Variants in CHSY3 observed in about 807,000 individuals in gnomAD.
CHSY3 encodes the protein N-acetylgalactosaminyl-proteoglycan 3-beta-glucuronosyltransferase 3.
Under a neutral mutation model 67.2 loss-of-function variants are expected in CHSY3, and 35 were observed. The observed-to-expected ratio is 0.52, with a 90% CI of 0.40 to 0.69. The LOEUF (loss-of-function observed/expected upper bound fraction) is 0.69. Ranked by LOEUF, CHSY3 falls within the 30% of genes least tolerant of loss-of-function variation. The pLI, the probability that CHSY3 is intolerant of heterozygous loss-of-function variation, is 0.00. For missense variants in CHSY3, 1,069 were observed against 1,138.5 expected, an observed-to-expected ratio of 0.94 and a Z score of 0.88; for synonymous variants, 474 against 434.7, an observed-to-expected ratio of 1.09 and a Z score of -1.12.
intron 2 of CHSY3, chr5:130,141,368 AC>A: frequency 2.6e-6 from 1 of 383,380 alleles, no homozygotes; most frequent in Non-Finnish European, 5.2e-6. Context: ...GAGTGCCATG[AC>A]CAAGGACAAC....
chr5:130,002,518 G>A (rs976408235), intron 2 of CHSY3, among the ~76,000 whole-genome samples: 3 of 152,092 alleles, frequency 2.0e-5, no homozygotes, highest in African/African-American at 7.2e-5. Flanking sequence ...ATACAAGGCA[G>A]CCCCCATCCT....
intron 2 of CHSY3, among the ~76,000 whole-genome samples, chr5:130,161,993 T>G (rs1293826748): frequency 1.4e-5 from 2 of 145,710 alleles, no homozygotes; most frequent in African/African-American, 5.1e-5. Context: ...TGAGCCAAGA[T>G]TGTGCCATTT....
At chr5:130,009,340 A>G (rs1406032365) in intron 2 of CHSY3, among the ~76,000 whole-genome samples, 3 of 152,138 alleles carry the variant, frequency 2.0e-5, no homozygotes, top group African/African-American at 7.2e-5. Context: ...AAAAATTCCA[A>G]CCAAGAATTT....
At chr5:129,992,193 A>G (rs183279455) in intron 2 of CHSY3, among the ~76,000 whole-genome samples, 34 of 152,284 alleles carry the variant, frequency 2.2e-4, no homozygotes, top group Admixed American at 1.4e-3. Flanking sequence ...ACCATGCTAT[A>G]CACTTTTGCT....
intron 2 of CHSY3, among the ~76,000 whole-genome samples, chr5:129,939,136 G>C (rs1761614504): frequency 6.6e-6 from 1 of 152,148 alleles, no homozygotes; most frequent in Admixed American, 6.6e-5. Context: ...ACCTTCTCAT[G>C]CTGTCAGGAA....
chr5:129,952,808 A>G (rs1469976857), intron 2 of CHSY3, among the ~76,000 whole-genome samples: 1 of 152,172 alleles, frequency 6.6e-6, no homozygotes, highest in Non-Finnish European at 1.5e-5. Context: ...TTTAATGTCT[A>G]CTATATGCCA....
intron 2 of CHSY3, among the ~76,000 whole-genome samples, chr5:129,959,728 G>A (rs1331826766): frequency 6.6e-6 from 1 of 152,106 alleles, no homozygotes; most frequent in Non-Finnish European, 1.5e-5. Flanking sequence ...GCATAGGAAA[G>A]ATGCTGAGAG....
At position 129,904,719 on chromosome 5, in the gene CHSY3, G is replaced by T. The variant is rs907921026; in HGVS notation, c.-111G>T. On this transcript the variant is annotated 5_prime_UTR_variant, in exon 1 of 3. Transcript: ENST00000305031. ...GCCGGTGTCGGCGCCTAGGCGGCCG[G>T]CTGCGGCCGCGGCTGGGGGCGCAAA... is the stretch of plus-strand genomic sequence containing the variant. 42 of 1,224,366 alleles carry T rather than the reference G, an allele frequency of 3.4e-5. No individual in the cohort carries two copies. The highest frequency in any genetic ancestry group is 4.0e-5 in the South Asian group (1 of 24,820). 75.8% of individuals were successfully genotyped at this position (1,224,366 alleles called of 1,614,324 possible).
chr5:130,156,005 A>G (rs1474799014), intron 2 of CHSY3, among the ~76,000 whole-genome samples: 1 of 152,222 alleles, frequency 6.6e-6, no homozygotes, highest in Admixed American at 6.5e-5. Flanking sequence ...ATCCAAATCA[A>G]TAGATCTTAT....
At position 130,185,371 on chromosome 5, in the gene CHSY3, T is replaced by C. The variant is rs1468486543; in HGVS notation, c.2229T>C (p.Tyr743=). The C allele has an allele frequency of 6.2e-7, 1 of 1,606,902 alleles. No individual in the cohort carries two copies. Among genetic ancestry groups the C allele is most frequent in the African/African-American group, 1.3e-5 (1 of 74,948 alleles). The change falls in exon 3 of 3, where the codon TAT becomes TAC. Residue 743 remains tyrosine, a synonymous_variant. Transcript: ENST00000305031. ...DNTIQGQQVY[Y]PIIFSQYDPK... ...CAATTCAGGGACAACAGGTGTACTA[T>C]CCCATCATCTTTAGCCAGTATGACC...
chr5:129,974,438 A>G (rs1198701255), intron 2 of CHSY3, among the ~76,000 whole-genome samples: 1 of 152,110 alleles, frequency 6.6e-6, no homozygotes, highest in Admixed American at 6.6e-5. Context: ...CCCTACCCCC[A>G]GTGCCCTTAA....
At chr5:130,051,181 G>A (rs1214732164) in intron 2 of CHSY3, among the ~76,000 whole-genome samples, 4 of 152,084 alleles carry the variant, frequency 2.6e-5, no homozygotes, top group Admixed American at 1.3e-4. Flanking sequence ...ATGAGGATGT[G>A]GTGGAGGTGG....
intron 2 of CHSY3, among the ~76,000 whole-genome samples, chr5:130,163,809 A>G (rs917937335): frequency 1.3e-5 from 2 of 151,774 alleles, no homozygotes; most frequent in African/African-American, 4.9e-5. Context: ...GTAAAGCATT[A>G]TAGTAAACAC....
intron 2 of CHSY3, among the ~76,000 whole-genome samples, chr5:129,927,161 C>A (rs1458382605): frequency 6.6e-6 from 1 of 151,642 alleles, no homozygotes; most frequent in Non-Finnish European, 1.5e-5. Context: ...ACTGAATTTT[C>A]ATTTTATGTT....
intron 2 of CHSY3, among the ~76,000 whole-genome samples, chr5:129,969,730 C>A (rs991551401): frequency 2.4e-4 from 36 of 151,746 alleles, no homozygotes; most frequent in African/African-American, 7.3e-4. Context: ...ATCTTTAATT[C>A]AGTGGCGGAA....
chr5:129,926,121 C>A (rs542500560), intron 2 of CHSY3, among the ~76,000 whole-genome samples: 63 of 152,016 alleles, frequency 4.1e-4, no homozygotes, highest in African/African-American at 1.4e-3. Flanking sequence ...ATTAGGATTA[C>A]AAAACAAATT....
intron 2 of CHSY3, among the ~76,000 whole-genome samples, chr5:129,975,239 A>C (rs1762771393): frequency 6.6e-6 from 1 of 152,298 alleles, no homozygotes; most frequent in South Asian, 2.1e-4. Flanking sequence ...AAAATAAATA[A>C]ATAAATACAA....
At chr5:130,090,302 C>T (rs1766833657) in intron 2 of CHSY3, among the ~76,000 whole-genome samples, 1 of 152,128 alleles carries the variant, frequency 6.6e-6, no homozygotes, top group South Asian at 2.1e-4. Context: ...AGATTATTTC[C>T]TTGTGAGGTA....
At chr5:130,147,768 G>GT (rs1769113528) in intron 2 of CHSY3, among the ~76,000 whole-genome samples, 1 of 152,168 alleles carries the variant, frequency 6.6e-6, no homozygotes, top group African/African-American at 2.4e-5. Flanking sequence ...GCGAGTAGGG[G>GT]AATGAGAGCG....
Sources: gnomAD v4.1 joint callset for allele counts (sites outside exome capture counted in the v4.1 genomes callset) on GRCh38, gnomAD v4.1.1 for gene constraint, MANE v1.5 for transcripts, NCBI Gene and HGNC (gene_info 2026-07-23, HGNC 2026-07-21) for gene names.